LYRM4: variants seen among roughly 807,000 people sequenced by gnomAD.
LYRM4 encodes the protein LYR motif-containing protein 4.
LYRM4 carries 9 observed loss-of-function variants against 11.7 expected under a neutral mutation model. The ratio of observed to expected loss-of-function variants is 0.77; its 90% confidence interval spans 0.46 to 1.34. LYRM4 has a LOEUF of 1.34. Among genes scored for constraint, LYRM4 ranks in the 40% most tolerant of loss-of-function variants. LYRM4 has a pLI of 0.00. For missense variants in LYRM4, 133 were observed against 112.5 expected, an observed-to-expected ratio of 1.18 and a Z score of -0.82; for synonymous variants, 42 against 40.4, an observed-to-expected ratio of 1.04 and a Z score of -0.15.
At chr6:5,071,620 GTATATA>G in the LYRM4 span, among the ~76,000 whole-genome samples, 1 of 151,560 alleles carries the variant, frequency 6.6e-6, no homozygotes, top group Admixed American at 6.6e-5. Context: ...GTGTGTGTAT[GTATATA>G]TATATGTGTA....
chr6:5,079,448 C>A, the LYRM4 span, among the ~76,000 whole-genome samples: 1 of 152,184 alleles, frequency 6.6e-6, no homozygotes, highest in East Asian at 1.9e-4. Context: ...AGAGGTCTTC[C>A]AGCATCTTCT....
At chr6:5,251,621 T>G (rs1764433825) in intron 1 of LYRM4, among the ~76,000 whole-genome samples, 2 of 152,300 alleles carry the variant, frequency 1.3e-5, no homozygotes, top group South Asian at 4.1e-4. Flanking sequence ...GGAATGGTGC[T>G]AAACTATTCA....
rs559485866 is a variant in LYRM4, at chr6:5,109,991, G to C, written c.208-500C>G. On this transcript the variant is annotated intron_variant, in intron 2 of 2. Coordinates refer to ENST00000330636, the MANE Select transcript of LYRM4 (RefSeq NM_020408.6). ...GGTGGGGTCGAGGGCAGTTGTCTGAGTGCCTGCACCTCCTGCCTTCTATCT... is the reference window on the plus strand; with the variant it reads ...GGTGGGGTCGAGGGCAGTTGTCTGACTGCCTGCACCTCCTGCCTTCTATCT... Among the ~76,000 whole-genome samples the C allele has an allele frequency of 9.2e-5, 14 of 152,368 alleles. No individual in the cohort carries two copies. The East Asian group carries it at 2.7e-3, about 29-fold the overall frequency.
At chr6:5,052,294 T>G in the LYRM4 span, among the ~76,000 whole-genome samples, 2 of 152,342 alleles carry the variant, frequency 1.3e-5, no homozygotes, top group South Asian at 4.1e-4. Flanking sequence ...GAGTAATGTA[T>G]TTAAAAACTT....
chr6:5,163,351 T>TAA (rs1758879265), intron 2 of LYRM4, among the ~76,000 whole-genome samples: 1 of 152,170 alleles, frequency 6.6e-6, no homozygotes, highest in African/African-American at 2.4e-5. Context: ...ACCTTTGACA[T>TAA]AATCAGGTGA....
intron 1 of LYRM4, among the ~76,000 whole-genome samples, chr6:5,238,743 C>T (rs1340633398): frequency 6.6e-6 from 1 of 152,032 alleles, no homozygotes; most frequent in Non-Finnish European, 1.5e-5. Context: ...AAATTTTGAC[C>T]CAGGGTCAGT....
chr6:5,253,613 C>G (rs1466863196), intron 1 of LYRM4, among the ~76,000 whole-genome samples: 1 of 152,044 alleles, frequency 6.6e-6, no homozygotes, highest in Non-Finnish European at 1.5e-5. Flanking sequence ...TGTGGTGGTT[C>G]AAGAAGTTTT....
Position 5,109,075 on chromosome 6 carries a change from G to T in LYRM4, c.*348C>A. On this transcript the variant is annotated 3_prime_UTR_variant, in exon 3 of 3. Transcript: ENST00000330636. ...GGGTTTATCTGGGGTCAAAGGCTCA[G>T]GGAGATCATTCTTTTTATTGCCAAG... The T allele has an allele frequency of 9.4e-7, 1 of 1,066,394 alleles. No individual in the cohort carries two copies. Among genetic ancestry groups the T allele is most frequent in the East Asian group, 6.7e-5 (1 of 14,974 alleles). The allele number at this position is 1,066,394 out of a possible 1,614,324, so 66.1% of individuals were successfully genotyped here.
intron 1 of LYRM4, among the ~76,000 whole-genome samples, chr6:5,242,643 A>G (rs934728896): frequency 6.6e-6 from 1 of 151,440 alleles, no homozygotes; most frequent in Non-Finnish European, 1.5e-5. Context: ...CCACTTGAAC[A>G]TGGAGGCAGA....
chr6:5,249,234 G>A (rs1764326609), intron 1 of LYRM4, among the ~76,000 whole-genome samples: 1 of 152,184 alleles, frequency 6.6e-6, no homozygotes, highest in Non-Finnish European at 1.5e-5. Context: ...GCGAGTAAAT[G>A]ATTTATACCA....
rs1762746424 is a variant in LYRM4 at position 5,108,751 on chromosome 6, G to C, written c.*672C>G. On this transcript the variant is annotated 3_prime_UTR_variant, in exon 3 of 3. Coordinates refer to ENST00000330636, the MANE Select transcript of LYRM4 (RefSeq NM_020408.6). The stretch of plus-strand genomic sequence containing the variant: ...TCACCAGGTGTGGGGAGGGGCTTGA[G>C]CCTGCATTTCCAGCAAATTCCCAGG... The C allele has an allele frequency of 1.0e-6, 1 of 978,898 alleles. No individual in the cohort carries two copies. The highest frequency in any genetic ancestry group is 6.1e-5 in the Admixed American group (1 of 16,276). The allele number at this position is 978,898 out of a possible 1,614,324, so 60.6% of individuals were successfully genotyped here.
At chr6:5,174,330 T>A (rs899431921) in intron 2 of LYRM4, among the ~76,000 whole-genome samples, 1 of 152,202 alleles carries the variant, frequency 6.6e-6, no homozygotes, top group African/African-American at 2.4e-5. Context: ...CTACAGGGCA[T>A]CAGCTGTGTT....
At chr6:5,120,235 T>C (rs1205043168) in intron 2 of LYRM4, among the ~76,000 whole-genome samples, 1 of 152,154 alleles carries the variant, frequency 6.6e-6, no homozygotes, top group Non-Finnish European at 1.5e-5. Flanking sequence ...GAGCCCAAAG[T>C]CGTGGGCAGC....
chr6:5,170,233 C>T (rs1455852953), intron 2 of LYRM4, among the ~76,000 whole-genome samples: 1 of 152,086 alleles, frequency 6.6e-6, no homozygotes, highest in Non-Finnish European at 1.5e-5. Flanking sequence ...ATTTTATTTT[C>T]CCAGAAAACC....
intron 2 of LYRM4, among the ~76,000 whole-genome samples, chr6:5,172,033 TG>T (rs1759459005): frequency 6.6e-6 from 1 of 152,126 alleles, no homozygotes; most frequent in Admixed American, 6.5e-5. Context: ...TGTGGAGCTC[TG>T]GGTCGTGTCC....
intron 1 of LYRM4, among the ~76,000 whole-genome samples, chr6:5,226,612 G>C (rs1762908598): frequency 1.3e-5 from 2 of 152,088 alleles, no homozygotes; most frequent in African/African-American, 4.8e-5. Context: ...CCCGACCTCA[G>C]GTGATCCGCC....
intron 1 of LYRM4, among the ~76,000 whole-genome samples, chr6:5,250,600 A>G (rs1764382156): frequency 6.6e-6 from 1 of 152,234 alleles, no homozygotes; most frequent in African/African-American, 2.4e-5. Flanking sequence ...AACTGCTTTT[A>G]GGCACACATG....
chr6:5,239,146 C>A (rs1763718648), intron 1 of LYRM4, among the ~76,000 whole-genome samples: 1 of 152,100 alleles, frequency 6.6e-6, no homozygotes, highest in Admixed American at 6.6e-5. Context: ...AACTGATGAA[C>A]CAACAAAAAG....
At chr6:5,232,817 G>GT (rs1324287376) in intron 1 of LYRM4, among the ~76,000 whole-genome samples, 1 of 152,184 alleles carries the variant, frequency 6.6e-6, no homozygotes, top group Non-Finnish European at 1.5e-5. Flanking sequence ...GAGCAAGAAG[G>GT]TATTTGGCCT....
Sources: allele counts gnomAD v4.1 joint callset (sites outside exome capture counted in the v4.1 genomes callset), GRCh38; gene constraint gnomAD v4.1.1; transcripts MANE v1.5; gene names NCBI Gene and HGNC (gene_info 2026-07-23, HGNC 2026-07-21).